TRIM33: variants seen among roughly 807,000 people sequenced by gnomAD.
The protein encoded by TRIM33 is E3 ubiquitin-protein ligase TRIM33.
In TRIM33, 20 loss-of-function variants were observed where a neutral mutation model predicts 125.4. The observed-to-expected ratio is 0.16, with a 90% CI of 0.11 to 0.23. The LOEUF (loss-of-function observed/expected upper bound fraction) is 0.23. Ranked by LOEUF, TRIM33 falls within the 10% of genes least tolerant of loss-of-function variation. TRIM33 has a pLI of 1.00. For synonymous variants in TRIM33, 564 were observed against 513.9 expected (o/e 1.10, Z -1.32); for missense variants, 920 against 1,411.4 (o/e 0.65, Z 5.58).
At position 114,460,147 on chromosome 1, in the gene TRIM33, G is replaced by A. The variant is rs528759230; in HGVS notation, c.923+2957C>T. The A allele has an allele frequency of 1.3e-4, 22 of 173,248 alleles. No homozygotes were observed. The South Asian group carries it at 2.5e-3, about 20-fold the overall frequency. The allele number at this position is 173,248 out of a possible 1,614,324, so 10.7% of individuals were successfully genotyped here. The stretch of plus-strand genomic sequence containing the variant: ...AGGTCAGCAAACTGGCAATTTAGTC[G>A]AAGTTTGAAATATATCATCAACACT... On this transcript the variant is annotated intron_variant, in intron 4 of 19. Coordinates refer to ENST00000358465, the MANE Select transcript of TRIM33 (RefSeq NM_015906.4).
At chr1:114,467,810 T>G (rs1303908506) in intron 1 of TRIM33, among the ~76,000 whole-genome samples, 1 of 152,220 alleles carries the variant, frequency 6.6e-6, no homozygotes, top group Non-Finnish European at 1.5e-5. Context: ...AATCTTTTCA[T>G]TTAGCCCTAG....
rs1357092286 is a variant in TRIM33, at chr1:114,393,098, T to C, written c.*4550A>G. 4 of 205,272 alleles carry C rather than the reference T, an allele frequency of 1.9e-5. No individual in the cohort carries two copies. Among genetic ancestry groups the C allele is most frequent in the East Asian group, 7.4e-5 (1 of 13,590 alleles). The allele number at this position is 205,272 out of a possible 1,614,324, so 12.7% of individuals were successfully genotyped here. On this transcript the variant is annotated 3_prime_UTR_variant, in exon 20 of 20. Transcript: ENST00000358465. ...AATCATATTGAAGGGCAGTTAACTA[T>C]GTGCAAAAATAATAGTACTAGTAGT... is the stretch of plus-strand genomic sequence containing the variant.
intron 2 of TRIM33, among the ~76,000 whole-genome samples, 180 bp downstream of exon 2, chr1:114,464,090 T>C (rs1459158303): frequency 6.6e-6 from 1 of 152,160 alleles, no homozygotes; most frequent in Non-Finnish European, 1.5e-5. Flanking sequence ...TTTTAAGTAA[T>C]AGCTTTAGTC....
At chr1:114,485,584 T>A (rs937421588) in intron 1 of TRIM33, among the ~76,000 whole-genome samples, 1 of 152,092 alleles carries the variant, frequency 6.6e-6, no homozygotes, top group Non-Finnish European at 1.5e-5. Context: ...GGTGACAAGG[T>A]GGTATGAGTT....
chr1:114,453,155 G>A (rs760130117), intron 4 of TRIM33, among the ~76,000 whole-genome samples: 2 of 152,014 alleles, frequency 1.3e-5, no homozygotes, highest in Non-Finnish European at 1.5e-5. Flanking sequence ...CTTAAGGCCA[G>A]GAGTTTGAGA....
At chr1:114,443,507 G>C (rs1648788004) in intron 4 of TRIM33, among the ~76,000 whole-genome samples, 1 of 152,160 alleles carries the variant, frequency 6.6e-6, no homozygotes, top group Non-Finnish European at 1.5e-5. Flanking sequence ...AAAGTGCTCA[G>C]ATTACAGGCG....
At chr1:114,433,551 G>T in intron 5 of TRIM33, 66 bp downstream of exon 5, 1 of 967,752 alleles carries the variant, frequency 1.0e-6, no homozygotes. Flanking sequence ...CAGAAAAACA[G>T]ATTTAAACTG....
At chr1:114,464,439 T>C in intron 1 of TRIM33, 51 bp from the exon 2 acceptor site, 1 of 1,042,032 alleles carries the variant, frequency 9.6e-7, no homozygotes, top group East Asian at 2.5e-5. Flanking sequence ...AATAAAGAAA[T>C]TGTGCATGAT....
chr1:114,473,770 C>T (rs1650802803), intron 1 of TRIM33, among the ~76,000 whole-genome samples: 1 of 151,988 alleles, frequency 6.6e-6, no homozygotes, highest in Non-Finnish European at 1.5e-5. Context: ...AATACATGAG[C>T]TATACAGAAA....
intron 11 of TRIM33, among the ~76,000 whole-genome samples, chr1:114,416,425 C>A (rs1250052422): frequency 2.0e-5 from 3 of 152,098 alleles, no homozygotes. Context: ...TAATATATTT[C>A]TTCTAGTTAC....
intron 1 of TRIM33, among the ~76,000 whole-genome samples, chr1:114,481,639 A>ATGTGTG (rs535478935): frequency 2.8e-5 from 4 of 142,338 alleles, no homozygotes; most frequent in African/African-American, 1.1e-4. Flanking sequence ...CTATATATAT[A>ATGTGTG]TGTGTGTGTG....
chr1:114,442,590 A>G (rs929482710), intron 4 of TRIM33, among the ~76,000 whole-genome samples: 4 of 150,504 alleles, frequency 2.7e-5, no homozygotes, highest in African/African-American at 9.7e-5. Context: ...TGGGAGGCTG[A>G]GGCAGGAGAA....
At chr1:114,453,490 A>C (rs11102794) in intron 4 of TRIM33, among the ~76,000 whole-genome samples, 1 of 152,042 alleles carries the variant, frequency 6.6e-6, no homozygotes, top group Non-Finnish European at 1.5e-5. Flanking sequence ...CTTGCTACTA[A>C]AGTGTAAGTG....
chr1:114,495,044 G>A (rs1652289089), intron 1 of TRIM33, among the ~76,000 whole-genome samples: 1 of 152,126 alleles, frequency 6.6e-6, no homozygotes, highest in Non-Finnish European at 1.5e-5. Context: ...CTCCCGGGTA[G>A]CTGGGATTAC....
At chr1:114,490,922 T>C (rs922053226) in intron 1 of TRIM33, 1 of 152,188 alleles carries the variant, frequency 6.6e-6, no homozygotes, top group African/African-American at 2.4e-5. Flanking sequence ...ACACATCGTA[T>C]ATTTCGATTT....
intron 1 of TRIM33, among the ~76,000 whole-genome samples, chr1:114,489,632 C>T (rs560583220): frequency 1.8e-4 from 27 of 152,044 alleles, no homozygotes; most frequent in Admixed American, 5.2e-4. Flanking sequence ...GTAGTCCCAG[C>T]TACTTGGGAG....
At position 114,497,059 on chromosome 1, in the gene TRIM33, T is replaced by C. The variant is rs116452936; in HGVS notation, c.526+13492A>G. ...ATCCACTCACTCTTCTTTGAAATGA[T>C]AGGTATGCAATATTTTGGACAATTT... On this transcript the variant is annotated intron_variant, in intron 1 of 19. Coordinates refer to ENST00000358465, the MANE Select transcript of TRIM33 (RefSeq NM_015906.4). Among the ~76,000 whole-genome samples the C allele has an allele frequency of 9.2e-3, 1,406 of 152,334 alleles. 23 individuals are homozygous for C. The highest frequency in any genetic ancestry group is 0.032 in the African/African-American group (1,329 of 41,576).
chr1:114,399,237 A>G (rs1420409949), intron 18 of TRIM33, among the ~76,000 whole-genome samples: 2 of 152,090 alleles, frequency 1.3e-5, no homozygotes, highest in African/African-American at 2.4e-5. Context: ...TTAGAAAAGG[A>G]TATTTGATAA....
At chr1:114,417,159 C>T (rs1652984753) in intron 11 of TRIM33, among the ~76,000 whole-genome samples, 1 of 152,082 alleles carries the variant, frequency 6.6e-6, no homozygotes, top group Admixed American at 6.6e-5. Flanking sequence ...TGTGGAATGT[C>T]CACAGAGACA....
Sources: allele counts gnomAD v4.1 joint callset (sites outside exome capture counted in the v4.1 genomes callset), GRCh38; gene constraint gnomAD v4.1.1; transcripts MANE v1.5; gene names NCBI Gene and HGNC (gene_info 2026-07-23, HGNC 2026-07-21).